Variants in SEMA3C observed in about 807,000 individuals in gnomAD.
SEMA3C encodes semaphorin-3C.
SEMA3C carries 47 observed loss-of-function variants against 89.4 expected under a neutral mutation model. The observed-to-expected ratio is 0.53, with a 90% CI of 0.42 to 0.67. The LOEUF is 0.67. SEMA3C is among the 30% of genes least tolerant of loss of function. The pLI is 0.00. For synonymous variants in SEMA3C, 310 were observed against 320.2 expected, an observed-to-expected ratio of 0.97 and a Z score of 0.34; for missense variants, 839 against 929.1, an observed-to-expected ratio of 0.90 and a Z score of 1.26.
intron 2 of SEMA3C, among the ~76,000 whole-genome samples, chr7:80,901,672 A>C (rs1404976115): frequency 1.3e-5 from 2 of 152,222 alleles, no homozygotes; most frequent in Non-Finnish European, 2.9e-5. Flanking sequence ...CAATTTTAAA[A>C]ATACACAATG....
chr7:80,782,552 A>G (rs1013957593), intron 12 of SEMA3C, among the ~76,000 whole-genome samples: 1 of 152,228 alleles, frequency 6.6e-6, no homozygotes, highest in African/African-American at 2.4e-5. Context: ...TAAAAATGTG[A>G]AGAGAATAAA....
intron 2 of SEMA3C, among the ~76,000 whole-genome samples, chr7:80,863,904 CAT>C (rs1562912195): frequency 1.8e-5 from 2 of 112,424 alleles, no homozygotes; most frequent in South Asian, 2.8e-4. Context: ...ACATATATTA[CAT>C]ATATATCACA....
intron 2 of SEMA3C, among the ~76,000 whole-genome samples, chr7:80,895,933 A>G (rs534381950): frequency 6.6e-6 from 1 of 152,266 alleles, no homozygotes; most frequent in East Asian, 1.9e-4. Context: ...TAGGCCTGTG[A>G]ATAAAATTTG....
chr7:80,784,632 A>T (rs1788761222), intron 12 of SEMA3C, among the ~76,000 whole-genome samples: 1 of 152,118 alleles, frequency 6.6e-6, no homozygotes, highest in Non-Finnish European at 1.5e-5. Flanking sequence ...AAAAGGCCAA[A>T]ATATATATAT....
intron 11 of SEMA3C, among the ~76,000 whole-genome samples, chr7:80,792,707 T>G (rs1473395084): frequency 6.6e-6 from 1 of 152,232 alleles, no homozygotes; most frequent in African/African-American, 2.4e-5. Flanking sequence ...AATACTCCCA[T>G]GAATTTATCA....
intron 2 of SEMA3C, among the ~76,000 whole-genome samples, chr7:80,857,224 A>C (rs1160404364): frequency 6.6e-6 from 1 of 152,052 alleles, no homozygotes; most frequent in Non-Finnish European, 1.5e-5. Flanking sequence ...GATTTGCACA[A>C]TTTTCCCAAG....
chr7:80,775,502 T>A (rs779661902), intron 12 of SEMA3C, among the ~76,000 whole-genome samples: 3 of 152,168 alleles, frequency 2.0e-5, no homozygotes, highest in Non-Finnish European at 4.4e-5. Flanking sequence ...CTAATCCCTG[T>A]ATTAAGTAGG....
chr7:80,751,879 T>C (rs1487993632), intron 15 of SEMA3C, among the ~76,000 whole-genome samples: 1 of 152,234 alleles, frequency 6.6e-6, no homozygotes, highest in Non-Finnish European at 1.5e-5. Flanking sequence ...AATAAGCATG[T>C]TGTCCCCAAC....
At chr7:80,895,148 A>C (rs1322147742) in intron 2 of SEMA3C, among the ~76,000 whole-genome samples, 1 of 152,180 alleles carries the variant, frequency 6.6e-6, no homozygotes, top group Non-Finnish European at 1.5e-5. Context: ...TTCTCTTTGA[A>C]AGTGCCATTT....
chr7:80,815,580 G>A (rs111645724), intron 5 of SEMA3C, among the ~76,000 whole-genome samples: 1,060 of 86,006 alleles, frequency 0.012, 18 homozygotes, highest in African/African-American at 0.038. Flanking sequence ...AAAAGTAAAT[G>A]TAGAGGAAAG....
intron 2 of SEMA3C, among the ~76,000 whole-genome samples, chr7:80,834,112 G>C (rs1241271134): frequency 6.6e-6 from 1 of 152,096 alleles, no homozygotes; most frequent in Non-Finnish European, 1.5e-5. Flanking sequence ...GACTCTGGCT[G>C]AGAGTATGTA....
intron 12 of SEMA3C, among the ~76,000 whole-genome samples, chr7:80,782,451 A>G (rs1788712320): frequency 6.6e-6 from 1 of 152,228 alleles, no homozygotes; most frequent in African/African-American, 2.4e-5. Context: ...ATATATGTGG[A>G]TGAAACATTT....
chr7:80,895,992 T>C (rs905498257), intron 2 of SEMA3C, among the ~76,000 whole-genome samples: 7 of 151,560 alleles, frequency 4.6e-5, no homozygotes, highest in African/African-American at 7.3e-5. Context: ...TATTGTGAAA[T>C]AAAAAGAAAA....
In SEMA3C at chr7:80,743,028, ATTTTAC is replaced by A; in HGVS notation, c.*1860_*1865del. On this transcript the variant is annotated 3_prime_UTR_variant, in exon 18 of 18. Coordinates refer to ENST00000265361, the MANE Select transcript of SEMA3C (RefSeq NM_006379.5). ...TAAAGGGAACTGTGACTCTGAAACAATTTTACTTTTAACTTTGAGAATAGATTGGCC... is the reference window on the plus strand; with the variant it reads ...TAAAGGGAACTGTGACTCTGAAACAATTTTAACTTTGAGAATAGATTGGCC... 1 of 152,018 alleles carries A rather than the reference ATTTTAC, an allele frequency of 6.6e-6. No homozygotes were observed. Among genetic ancestry groups the A allele is most frequent in the South Asian group, 2.1e-4 (1 of 4,826 alleles). The allele number at this position is 152,018 out of a possible 1,614,324, so 9.4% of individuals were successfully genotyped here.
At chr7:80,770,315 G>A (rs1788400640) in intron 12 of SEMA3C, among the ~76,000 whole-genome samples, 1 of 152,150 alleles carries the variant, frequency 6.6e-6, no homozygotes, top group Non-Finnish European at 1.5e-5. Context: ...GTTTGAAGAT[G>A]ATAATATACT....
At chr7:80,856,447 C>G (rs1790642236) in intron 2 of SEMA3C, among the ~76,000 whole-genome samples, 1 of 149,538 alleles carries the variant, frequency 6.7e-6, no homozygotes, top group African/African-American at 2.5e-5. Flanking sequence ...CAGAGAAAGG[C>G]TGGCACTGCC....
At chr7:80,897,609 A>C (rs2116179380) in intron 2 of SEMA3C, among the ~76,000 whole-genome samples, 1 of 152,334 alleles carries the variant, frequency 6.6e-6, no homozygotes, top group Admixed American at 6.5e-5. Flanking sequence ...AATAAGAATT[A>C]GAAAAACTGA....
chr7:80,763,484 C>T (rs1280798999), intron 13 of SEMA3C, among the ~76,000 whole-genome samples: 1 of 152,046 alleles, frequency 6.6e-6, no homozygotes, highest in Non-Finnish European at 1.5e-5. Context: ...GGCTGATGTC[C>T]CCCACGTGCA....
In SEMA3C at chr7:80,888,631, G is replaced by A. The variant is rs185756097; in HGVS notation, c.103+28048C>T. 1.2e-3 allele frequency among the ~76,000 whole-genome samples: 181 copies of A among 151,962 alleles called. 1 individual carries two copies. The highest frequency in any genetic ancestry group is 4.0e-3 in the African/African-American group (165 of 41,444). ...GGACAAGGAAGACATTTCTACTATC[G>A]TTCTCAAGTGTCTGAATTTTCATTT... On this transcript the variant is annotated intron_variant, in intron 2 of 17. Transcript: ENST00000265361.
Sources: gnomAD v4.1 joint callset for allele counts (sites outside exome capture counted in the v4.1 genomes callset) on GRCh38, gnomAD v4.1.1 for gene constraint, MANE v1.5 for transcripts, NCBI Gene and HGNC (gene_info 2026-07-23, HGNC 2026-07-21) for gene names.